Variants in OSGEPL1 observed in about 807,000 individuals in gnomAD.
The protein encoded by OSGEPL1 is tRNA N6-adenosine threonylcarbamoyltransferase, mitochondrial.
In OSGEPL1, 26 loss-of-function variants were observed where a neutral mutation model predicts 37.2. That is an observed-to-expected ratio of 0.70 (90% confidence interval 0.51 to 0.97). The LOEUF is 0.97. Among genes scored for constraint, OSGEPL1 ranks in the 50% least tolerant of loss-of-function variants. The probability of loss-of-function intolerance (pLI) is 0.00; values close to 1 mark genes in which losing one functional copy is unlikely to be tolerated. For synonymous variants in OSGEPL1, 140 were observed against 159.9 expected, an observed-to-expected ratio of 0.88 and a Z score of 0.94; for missense variants, 404 against 487.0, an observed-to-expected ratio of 0.83 and a Z score of 1.60.
chr2:189,759,658 G>C (rs2046681320), intron 2 of OSGEPL1, among the ~76,000 whole-genome samples: 1 of 152,196 alleles, frequency 6.6e-6, no homozygotes, highest in African/African-American at 2.4e-5. Context: ...ATACAGGACT[G>C]TGATTCCAAA....
chr2:189,757,774 C>T (rs1240900890), intron 2 of OSGEPL1, among the ~76,000 whole-genome samples: 1 of 152,206 alleles, frequency 6.6e-6, no homozygotes, highest in Non-Finnish European at 1.5e-5. Flanking sequence ...TATTGCCTGG[C>T]AGCTATAGGT....
Position 189,746,685 on chromosome 2 carries a change from T to C in OSGEPL1, c.*512A>G, listed in dbSNP as rs916386631. 1 of 1,459,962 alleles carries C rather than the reference T, an allele frequency of 6.8e-7. No individual in the cohort carries two copies. Among genetic ancestry groups the C allele is most frequent in the South Asian group, 1.4e-5 (1 of 69,734 alleles). 90.4% of individuals were successfully genotyped at this position (1,459,962 alleles called of 1,614,324 possible). A position where few individuals can be genotyped will look rare whatever the true frequency, so the allele number is the denominator to read the frequency against. On this transcript the variant is annotated 3_prime_UTR_variant, in exon 9 of 9. Transcript: ENST00000264151. ...CATCTTTTAAAAATTTTTTTATTTT[T>C]AATAATGGTAATATGCAAATAACAT...
chr2:189,754,891 C>T (rs988996689), intron 3 of OSGEPL1: 5 of 378,338 alleles, frequency 1.3e-5, no homozygotes, highest in Admixed American at 9.1e-5. Flanking sequence ...TTACGAAGCA[C>T]GTTCTTTCAC....
chr2:189,762,777 G>C lies in OSGEPL1; in HGVS notation c.-113C>G. The stretch of plus-strand genomic sequence containing the variant: ...TCGCTGCAGGAGAAAGCCCGAACCT[G>C]GCGCCCGGAAGTGATGTCATCGGAA... On this transcript the variant is annotated 5_prime_UTR_variant, in exon 1 of 9. Transcript: ENST00000264151. 1.0e-6 allele frequency: 1 copy of C among 985,494 alleles called. No homozygotes were observed. The highest frequency in any genetic ancestry group is 1.7e-5 in the African/African-American group (1 of 57,324). 61.0% of individuals were successfully genotyped at this position (985,494 alleles called of 1,614,324 possible).
chr2:189,757,769 C>A (rs1000538019), intron 2 of OSGEPL1, among the ~76,000 whole-genome samples: 1 of 152,174 alleles, frequency 6.6e-6, no homozygotes, highest in Admixed American at 6.5e-5. Flanking sequence ...CTAAGTATTG[C>A]CTGGCAGCTA....
intron 2 of OSGEPL1, 133 bp from the exon 3 acceptor site, chr2:189,755,693 C>A: frequency 2.1e-6 from 2 of 934,166 alleles, no homozygotes; most frequent in Admixed American, 3.4e-5. Flanking sequence ...TAATTGTGTG[C>A]CTTCTAACAT....
intron 2 of OSGEPL1, among the ~76,000 whole-genome samples, chr2:189,756,538 G>A (rs556889201): frequency 6.6e-6 from 1 of 152,264 alleles, no homozygotes; most frequent in Admixed American, 6.5e-5. Context: ...CAGGCAATGA[G>A]GGGGATATAA....
At chr2:189,759,356 C>T (rs967782496) in intron 2 of OSGEPL1, among the ~76,000 whole-genome samples, 16 of 152,084 alleles carry the variant, frequency 1.1e-4, no homozygotes, top group African/African-American at 2.9e-4. Flanking sequence ...TCACGCCATT[C>T]TCCTGCCTCA....
chr2:189,762,462 C>A (rs769716396), intron 1 of OSGEPL1: 31 of 509,108 alleles, frequency 6.1e-5, no homozygotes, highest in Non-Finnish European at 7.1e-5. Flanking sequence ...GCAGCCCAGA[C>A]AGACACAACC....
rs1429138940 is a variant in OSGEPL1, at chr2:189,754,171, T to A, written c.784A>T (p.Lys262Ter). The A allele has an allele frequency of 1.2e-6, 2 of 1,613,692 alleles. No homozygotes were observed. The highest frequency in any genetic ancestry group is 2.7e-5 in the African/African-American group (2 of 74,920). The change falls in exon 4 of 9, where the codon AAA (lysine) becomes TAA (stop). Residue 262 changes from lysine to a stop codon, truncating the protein, a stop_gained. Transcript: ENST00000264151. LOFTEE classifies it high-confidence loss of function. ...SFTGLQHVTD[K>*]IIMKKEKEEG... ...TCTTTTTCCTTTTTCATTATTATTT[T>A]ATCAGTAACGTGTTGAAGTCCAGTA...
upstream of OSGEPL1, chr2:189,763,011 C>T: frequency 1.0e-6 from 1 of 985,360 alleles, no homozygotes. Flanking sequence ...GACTACACAA[C>T]ATCAAGTTCC....
Position 189,752,663 on chromosome 2 carries a change from A to T in OSGEPL1, c.1156T>A (p.Tyr386Asn). 1 of 1,613,802 alleles carries T rather than the reference A, an allele frequency of 6.2e-7. No homozygotes were observed. Among genetic ancestry groups the T allele is most frequent in the South Asian group, 1.1e-5 (1 of 91,086 alleles). The change falls in exon 7 of 9, where the codon TAT becomes AAT. Residue 386 changes from tyrosine to asparagine, a missense_variant. Physicochemically the swap from Tyr to Asn is moderately radical, Grantham distance 143 (BLOSUM62 -2). Transcript: ENST00000264151. ...AATGATACCACATACTTTGGTTCATAGCGGATGCCTTCTATGTCATGTAAA... is the reference window on the plus strand; with the variant it reads ...AATGATACCACATACTTTGGTTCATTGCGGATGCCTTCTATGTCATGTAAA... The part of the protein sequence containing the change: ...GILHDIEGIR[Y>N]EPKCPLGVDI...
chr2:189,761,788 C>A, intron 1 of OSGEPL1, 128 bp from the exon 2 acceptor site: 1 of 862,888 alleles, frequency 1.2e-6, no homozygotes, highest in Non-Finnish European at 1.7e-6. Context: ...AAGGCTATAG[C>A]AACATGGGAA....
intron 8 of OSGEPL1, among the ~76,000 whole-genome samples, chr2:189,748,897 C>A (rs954501675): frequency 6.6e-6 from 1 of 152,116 alleles, no homozygotes; most frequent in African/African-American, 2.4e-5. Flanking sequence ...CCTAGCCAGA[C>A]CATCCTACCA....
At chr2:189,752,136 TA>T (rs1448821680) in intron 7 of OSGEPL1, among the ~76,000 whole-genome samples, 72 of 139,364 alleles carry the variant, frequency 5.2e-4, no homozygotes, top group Admixed American at 5.7e-4. Context: ...ACTAAGACTC[TA>T]AAAAAAAAAA....
intron 1 of OSGEPL1, 43 bp downstream of exon 1, chr2:189,762,642 C>T (rs1168911115): frequency 1.0e-6 from 1 of 985,270 alleles, no homozygotes; most frequent in African/African-American, 1.7e-5. Flanking sequence ...TTTCCAGGTG[C>T]GCAAAAGCGT....
At chr2:189,748,952 G>A (rs2044614426) in intron 8 of OSGEPL1, among the ~76,000 whole-genome samples, 1 of 151,942 alleles carries the variant, frequency 6.6e-6, no homozygotes, top group South Asian at 2.1e-4. Context: ...CCCCTATAAA[G>A]ATTATTTTTA....
At chr2:189,754,961 G>A (rs1025385048) in intron 3 of OSGEPL1, 27 of 590,372 alleles carry the variant, frequency 4.6e-5, no homozygotes, top group African/African-American at 7.6e-5. Context: ...TTTATGTACA[G>A]ATATGAACCT....
In OSGEPL1 at chr2:189,762,669, G is replaced by A. The variant is rs1321245107; in HGVS notation, c.-21+16C>T. On this transcript the variant is annotated intron_variant, in intron 1 of 8. Transcript: ENST00000264151. ...CAAAAGCGTCAGTGGGGTGAAGAGT[G>A]AGCAATTTCACCCACCTTCCACTTG... 6 of 985,306 alleles carry A rather than the reference G, an allele frequency of 6.1e-6. No homozygotes were observed. Among genetic ancestry groups the A allele is most frequent in the African/African-American group, 1.7e-5 (1 of 57,222 alleles). The allele number at this position is 985,306 out of a possible 1,614,324, so 61.0% of individuals were successfully genotyped here.
Sources: allele counts gnomAD v4.1 joint callset (sites outside exome capture counted in the v4.1 genomes callset), GRCh38; gene constraint gnomAD v4.1.1; transcripts MANE v1.5; gene names NCBI Gene and HGNC (gene_info 2026-07-23, HGNC 2026-07-21).